SGCE: variants seen among roughly 807,000 people sequenced by gnomAD.
SGCE encodes epsilon-sarcoglycan.
A neutral mutation model predicts 57.8 loss-of-function variants in SGCE; 26 were observed. That is an observed-to-expected ratio of 0.45 (90% CI 0.33 to 0.62). The LOEUF (loss-of-function observed/expected upper bound fraction) is 0.62, where lower values mean the gene tolerates loss of function less well. Ranked by LOEUF, SGCE falls within the 20% of genes least tolerant of loss-of-function variation. The pLI, the probability that SGCE is intolerant of heterozygous loss-of-function variation, is 0.02. For missense variants in SGCE, 468 were observed against 548.6 expected (o/e 0.85, Z 1.47); for synonymous variants, 183 against 189.5 (o/e 0.97, Z 0.28).
chr7:94,623,253 T>A (rs977852054), intron 4 of SGCE, 72 bp downstream of exon 4: 10 of 936,072 alleles, frequency 1.1e-5, no homozygotes, highest in Non-Finnish European at 1.5e-5. Context: ...CTTGACTATA[T>A]TTTATGTAGT....
chr7:94,644,064 A>G (rs1008840707), intron 1 of SGCE, among the ~76,000 whole-genome samples: 1 of 152,218 alleles, frequency 6.6e-6, no homozygotes, highest in African/African-American at 2.4e-5. Flanking sequence ...TCTACATTAC[A>G]ATTATATCTG....
chr7:94,645,827 C>T (rs1806989556), intron 1 of SGCE, among the ~76,000 whole-genome samples: 2 of 152,126 alleles, frequency 1.3e-5, no homozygotes, highest in African/African-American at 4.8e-5. Context: ...ATTACATTTA[C>T]TCTTCAACTA....
chr7:94,612,167 T>C (rs1280387660), intron 5 of SGCE, among the ~76,000 whole-genome samples: 1 of 152,206 alleles, frequency 6.6e-6, no homozygotes, highest in African/African-American at 2.4e-5. Flanking sequence ...AGACAAGACA[T>C]TGATTTGTAT....
chr7:94,635,317 G>A (rs1209028761), intron 1 of SGCE, among the ~76,000 whole-genome samples: 1 of 152,062 alleles, frequency 6.6e-6, no homozygotes, highest in Non-Finnish European at 1.5e-5. Flanking sequence ...AAAATGTTTT[G>A]GATAAGAATG....
chr7:94,627,189 A>AATGTGGAAGC (rs1803855459), intron 3 of SGCE: 1 of 152,090 alleles, frequency 6.6e-6, no homozygotes, highest in South Asian at 2.1e-4. Context: ...GGAAGCTCAC[A>AATGTGGAAGC]TCCACAGTAC....
chr7:94,607,095 G>GA (rs916993497), intron 5 of SGCE, among the ~76,000 whole-genome samples: 41 of 146,672 alleles, frequency 2.8e-4, no homozygotes, highest in South Asian at 6.5e-4. Flanking sequence ...GTAAGCAGAA[G>GA]AAAAAAAAAA....
At chr7:94,622,857 GTTTA>G (rs1803029296) in intron 4 of SGCE, among the ~76,000 whole-genome samples, 1 of 152,050 alleles carries the variant, frequency 6.6e-6, no homozygotes, top group South Asian at 2.1e-4. Context: ...CTAAGTTATG[GTTTA>G]TTTGTTTTCC....
intron 7 of SGCE, chr7:94,600,358 A>G: frequency 5.4e-6 from 2 of 368,778 alleles, no homozygotes; most frequent in Non-Finnish European, 1.0e-5. Flanking sequence ...GATGGCTTGT[A>G]TAACCAAAAT....
Position 94,629,744 on chromosome 7 carries a change from C to T in SGCE, c.207G>A (p.Gly69=), listed in dbSNP as rs1804377757. ...CAGGTTTTGGGTAAGGTGGAAATTC[C>T]CCCTTAAAATATTCTCTTTCCAAAA... The part of the protein sequence containing the change: ...VHVLEREYFK[G]EFPPYPKPGE... Residue 69 remains glycine (G), a synonymous_variant, in exon 2 of 11, where the codon GGG becomes GGA. Transcript: ENST00000648936. 6.2e-7 allele frequency: 1 copy of T among 1,611,058 alleles called. No individual in the cohort carries two copies. Among genetic ancestry groups the T allele is most frequent in the Non-Finnish European group, 8.5e-7 (1 of 1,177,862 alleles).
chr7:94,623,090 G>C (rs897258438), intron 4 of SGCE, among the ~76,000 whole-genome samples: 3 of 152,088 alleles, frequency 2.0e-5, no homozygotes, highest in African/African-American at 7.2e-5. Context: ...AAAAGGCTTA[G>C]AGAAATAAGA....
At chr7:94,653,880 A>C (rs1294095106) in intron 1 of SGCE, among the ~76,000 whole-genome samples, 1 of 152,018 alleles carries the variant, frequency 6.6e-6, no homozygotes, top group Non-Finnish European at 1.5e-5. Context: ...TTAAAAAATT[A>C]ATATTATTTC....
At position 94,655,975 on chromosome 7, in the gene SGCE, G is replaced by C; in HGVS notation, c.109+15C>G. On this transcript the variant is annotated intron_variant, in intron 1 of 10. Coordinates refer to ENST00000648936, the MANE Select transcript of SGCE (RefSeq NM_003919.3). ...GTTGGCCCCGGGACCTCCACGTCGCGCGCAGGCCACTAACCTGTCAGCAAG... is the reference window on the plus strand; with the variant it reads ...GTTGGCCCCGGGACCTCCACGTCGCCCGCAGGCCACTAACCTGTCAGCAAG... The C allele has an allele frequency of 6.5e-7, 1 of 1,541,478 alleles. No homozygotes were observed. Among genetic ancestry groups the C allele is most frequent in the Non-Finnish European group, 9.0e-7 (1 of 1,114,832 alleles).
chr7:94,620,657 T>C (rs1802625183), intron 4 of SGCE: 1 of 152,228 alleles, frequency 6.6e-6, no homozygotes, highest in Non-Finnish European at 1.5e-5. Flanking sequence ...TGTTTTTACA[T>C]CCAGTTTTCT....
At chr7:94,591,841 C>T (rs1363951394) in intron 9 of SGCE, among the ~76,000 whole-genome samples, 9 of 152,080 alleles carry the variant, frequency 5.9e-5, no homozygotes, top group Non-Finnish European at 1.3e-4. Flanking sequence ...GCAAGAAATT[C>T]GGAGAAGATG....
At chr7:94,623,725 G>A in intron 3 of SGCE, 1 of 391,592 alleles carries the variant, frequency 2.6e-6, no homozygotes, top group Middle Eastern at 6.6e-4. Flanking sequence ...TACCAGTGAT[G>A]TTCTAAGATT....
chr7:94,601,476 A>AAAAAAAC (rs1288229007), intron 6 of SGCE, among the ~76,000 whole-genome samples: 2 of 134,946 alleles, frequency 1.5e-5, no homozygotes, highest in African/African-American at 2.7e-5. Context: ...AAAAAAAAAA[A>AAAAAAAC]CTACAACAGT....
At chr7:94,624,535 T>G (rs1179121875) in intron 3 of SGCE, 1 of 265,828 alleles carries the variant, frequency 3.8e-6, no homozygotes, top group East Asian at 6.3e-5. Context: ...TTCCTTGCTG[T>G]TATCTGTTGG....
At chr7:94,644,379 C>T (rs1806785606) in intron 1 of SGCE, among the ~76,000 whole-genome samples, 1 of 152,160 alleles carries the variant, frequency 6.6e-6, no homozygotes, top group Non-Finnish European at 1.5e-5. Flanking sequence ...CAAGCACTCT[C>T]TGAAGAGATA....
chr7:94,608,361 T>C (rs1325511439), intron 5 of SGCE, among the ~76,000 whole-genome samples: 1 of 152,068 alleles, frequency 6.6e-6, no homozygotes, highest in African/African-American at 2.4e-5. Context: ...AATATAAGTC[T>C]AATAAAATAG....
Sources: gnomAD v4.1 joint callset for allele counts (sites outside exome capture counted in the v4.1 genomes callset) on GRCh38, gnomAD v4.1.1 for gene constraint, MANE v1.5 for transcripts, NCBI Gene and HGNC (gene_info 2026-07-23, HGNC 2026-07-21) for gene names.